The following TIAM1 variants were observed in gnomAD, a reference collection of about 807,000 sequenced individuals.
TIAM1 encodes the protein TIAM Rac1 associated GEF 1.
In TIAM1, 65 loss-of-function variants were observed where a neutral mutation model predicts 163.5. That is an observed-to-expected ratio of 0.40 (90% CI 0.33 to 0.49). TIAM1 has a LOEUF of 0.49. Among genes scored for constraint, TIAM1 ranks in the 20% least tolerant of loss-of-function variants. TIAM1 has a pLI of 0.77. For missense variants in TIAM1, 1,789 were observed against 2,044.7 expected (o/e 0.87, Z 2.41); for synonymous variants, 833 against 810.1 (o/e 1.03, Z -0.48).
chr21:31,546,082 T>A (rs907863424), intron 1 of TIAM1, among the ~76,000 whole-genome samples: 255 of 151,692 alleles, frequency 1.7e-3, no homozygotes, highest in African/African-American at 5.5e-3. Context: ...TTAAAAAAAA[T>A]TTTTAATAAA....
At chr21:31,256,049 G>T (rs2072083026) in intron 4 of TIAM1, among the ~76,000 whole-genome samples, 1 of 152,142 alleles carries the variant, frequency 6.6e-6, no homozygotes, top group African/African-American at 2.4e-5. Context: ...TTTGAGCTGG[G>T]CAACAAATGC....
At chr21:31,282,370 G>A (rs373786476) in intron 2 of TIAM1, among the ~76,000 whole-genome samples, 3 of 152,326 alleles carry the variant, frequency 2.0e-5, no homozygotes, top group Admixed American at 6.5e-5. Context: ...GCAAGCAGCC[G>A]TCTTGAAGAC....
chr21:31,141,723 T>G lies in TIAM1; in HGVS notation c.3476-219A>C, dbSNP rs552585131. On this transcript the variant is annotated intron_variant, in intron 20 of 27. Coordinates refer to ENST00000541036, the MANE Select transcript of TIAM1 (RefSeq NM_001353694.2). This position sits in a 1 kb window ranked among gnomAD's most constrained non-coding sequence, Gnocchi z 4.7. ...GTTGGGGGTGGGGTGGGGAGAAGCC[T>G]GATGAGTTAAAGGATGACGGAGTGT... is the stretch of plus-strand genomic sequence containing the variant. Among the ~76,000 whole-genome samples, 2 of 152,160 alleles carry G rather than the reference T, an allele frequency of 1.3e-5. No individual in the cohort carries two copies. The highest frequency in any genetic ancestry group is 4.2e-4 in the South Asian group (2 of 4,810).
At chr21:31,211,383 A>G (rs933199793) in intron 10 of TIAM1, among the ~76,000 whole-genome samples, 4 of 152,232 alleles carry the variant, frequency 2.6e-5, no homozygotes, top group African/African-American at 9.6e-5. Flanking sequence ...TGTAAACATA[A>G]TATTGATGCT....
rs533747707 is a variant in TIAM1 at position 31,307,448 on chromosome 21, G to A, written c.-188-30540C>T. Among the ~76,000 whole-genome samples the A allele has an allele frequency of 3.9e-5, 6 of 152,230 alleles. No homozygotes were observed. In the South Asian group the frequency reaches 1.2e-3, roughly 32 times the overall value. Reference sequence around the variant, plus strand: ...CCATCCAGAACACGGCCAGAACTAAGGAACCAAATAGGAATCCTTGTCAGG... The same window carrying A: ...CCATCCAGAACACGGCCAGAACTAAAGAACCAAATAGGAATCCTTGTCAGG... On this transcript the variant is annotated intron_variant, in intron 2 of 27. Transcript: ENST00000541036.
intron 1 of TIAM1, among the ~76,000 whole-genome samples, chr21:31,538,801 A>G (rs1051876298): frequency 6.6e-6 from 1 of 152,190 alleles, no homozygotes; most frequent in African/African-American, 2.4e-5. Context: ...GGGTCCCTGA[A>G]AACGTTTTTA....
intron 2 of TIAM1, among the ~76,000 whole-genome samples, chr21:31,374,426 T>C (rs1259262475): frequency 6.6e-6 from 1 of 152,172 alleles, no homozygotes; most frequent in African/African-American, 2.4e-5. Context: ...TACGGAATAT[T>C]CTGCATCTGT....
At chr21:31,437,595 G>A (rs958327945) in intron 2 of TIAM1, among the ~76,000 whole-genome samples, 1 of 151,894 alleles carries the variant, frequency 6.6e-6, no homozygotes, top group Non-Finnish European at 1.5e-5. Context: ...CCCCAATGTT[G>A]GAGAAAGGGC....
intron 2 of TIAM1, among the ~76,000 whole-genome samples, chr21:31,366,765 G>A (rs1437118315): frequency 6.6e-6 from 1 of 152,150 alleles, no homozygotes; most frequent in Non-Finnish European, 1.5e-5. Flanking sequence ...TTACAGGCAT[G>A]TGCCATCATG....
At chr21:31,143,175 C>A (rs572327427) in intron 20 of TIAM1, among the ~76,000 whole-genome samples, 7 of 152,234 alleles carry the variant, frequency 4.6e-5, no homozygotes, top group Admixed American at 4.6e-4. Flanking sequence ...TTTGGCTATT[C>A]CTGAGCAGCA....
chr21:31,179,138 G>C (rs2084899389), intron 15 of TIAM1, among the ~76,000 whole-genome samples: 1 of 151,854 alleles, frequency 6.6e-6, no homozygotes, highest in Non-Finnish European at 1.5e-5. Context: ...TGTAATCCCA[G>C]CTCTTTGGGA....
intron 2 of TIAM1, among the ~76,000 whole-genome samples, chr21:31,367,652 A>G (rs1212043822): frequency 6.6e-6 from 1 of 152,208 alleles, no homozygotes; most frequent in Non-Finnish European, 1.5e-5. Context: ...CTGAGACCAA[A>G]GAGCAGACAA....
At position 31,154,356 on chromosome 21, in the gene TIAM1, G is replaced by A. The variant is rs1367386465; in HGVS notation, c.3062C>T (p.Pro1021Leu). 6.2e-7 allele frequency: 1 copy of A among 1,614,092 alleles called. No homozygotes were observed. Among genetic ancestry groups the A allele is most frequent in the Non-Finnish European group, 8.5e-7 (1 of 1,180,052 alleles). Residue 1021 changes from proline to leucine, a missense_variant, in exon 17 of 28, where the codon CCT becomes CTT. Transcript: ENST00000541036. ...CAGCTGAGGCCCCGTGGAGTCCTGA[G>A]GAGATGGGCTCTGGTCAGAGGGGTT... is the stretch of plus-strand genomic sequence containing the variant. ...EMNPSDQSPS[P>L]QDSTGPQLAT...
chr21:31,548,385 A>T lies in TIAM1; in HGVS notation c.-422+10542T>A, dbSNP rs191554652. 6.6e-4 allele frequency among the ~76,000 whole-genome samples: 99 copies of T among 150,070 alleles called. 1 individual carries two copies. Among genetic ancestry groups the T allele is most frequent in the South Asian group, 2.6e-3 (12 of 4,684 alleles). ...CGAACTCCTGACCTCAAGTGATCTG[A>T]CCACCTCAGCCTCTCAAAGTGTTGG... On this transcript the variant is annotated intron_variant, in intron 1 of 28. Transcript: ENST00000286827.
intron 17 of TIAM1, among the ~76,000 whole-genome samples, chr21:31,153,403 T>C (rs527479415): frequency 1.3e-5 from 2 of 152,294 alleles, no homozygotes; most frequent in East Asian, 1.9e-4. Context: ...CAAGCAGGCA[T>C]AGACAATATG....
chr21:31,318,886 C>G (rs1690913105), intron 2 of TIAM1, among the ~76,000 whole-genome samples: 1 of 152,122 alleles, frequency 6.6e-6, no homozygotes, highest in African/African-American at 2.4e-5. Context: ...TATACAAAGA[C>G]AGGGTCTCGC....
chr21:31,208,973 C>T (rs1361618347), intron 11 of TIAM1, among the ~76,000 whole-genome samples: 1 of 151,846 alleles, frequency 6.6e-6, no homozygotes, highest in African/African-American at 2.4e-5. Context: ...TTAGCAGCCC[C>T]AAAGAAGACC....
chr21:31,150,660 A>G (rs1385924460), intron 19 of TIAM1, among the ~76,000 whole-genome samples: 1 of 152,214 alleles, frequency 6.6e-6, no homozygotes, highest in Non-Finnish European at 1.5e-5. Context: ...TAAACACAGG[A>G]AAAAATCTTT....
At chr21:31,346,777 T>C (rs986170878), upstream of TIAM1, among the ~76,000 whole-genome samples, 1 of 152,078 alleles carries the variant, frequency 6.6e-6, no homozygotes, top group African/African-American at 2.4e-5. Flanking sequence ...GCAAGCACCA[T>C]GAAGTCAGTG....
Sources: gnomAD v4.1 joint callset for allele counts (sites outside exome capture counted in the v4.1 genomes callset) on GRCh38, gnomAD v4.1.1 for gene constraint, Gnocchi (gnomAD v3.1) non-coding constraint, MANE v1.5 for transcripts, NCBI Gene and HGNC (gene_info 2026-07-23, HGNC 2026-07-21) for gene names.